The following ITIH3 variants were observed in gnomAD, a reference collection of about 807,000 sequenced individuals.
ITIH3 encodes the protein inter-alpha-trypsin inhibitor heavy chain H3.
In ITIH3, 81 loss-of-function variants were observed where a neutral mutation model predicts 96.5. The ratio of observed to expected loss-of-function variants is 0.84; its 90% confidence interval spans 0.70 to 1.01. ITIH3 has a LOEUF of 1.01. Ranked by LOEUF, ITIH3 falls within the 50% of genes least tolerant of loss-of-function variation. The probability of loss-of-function intolerance (pLI) is 0.00; values close to 1 mark genes in which losing one functional copy is unlikely to be tolerated. For missense variants in ITIH3, 1,057 were observed against 1,139.3 expected (o/e 0.93, Z 1.04); for synonymous variants, 422 against 445.2 (o/e 0.95, Z 0.66).
At chr3:52,799,539 G>T in intron 8 of ITIH3, 51 bp downstream of exon 8, 4 of 1,365,554 alleles carry the variant, frequency 2.9e-6, no homozygotes, top group Non-Finnish European at 4.0e-6. Flanking sequence ...GGGGGTGGAA[G>T]AGATTTTTTT....
intron 14 of ITIH3, 180 bp from the exon 15 acceptor site, chr3:52,804,546 G>T: frequency 1.6e-6 from 1 of 619,636 alleles, no homozygotes; most frequent in Non-Finnish European, 2.9e-6. Context: ...GCCTGGCCAG[G>T]CCAGGCCTCT....
At chr3:52,795,364 C>G (rs1464168015) in intron 1 of ITIH3, among the ~76,000 whole-genome samples, 1 of 152,208 alleles carries the variant, frequency 6.6e-6, no homozygotes, top group African/African-American at 2.4e-5. Flanking sequence ...TCCCCCTGCC[C>G]TGCTCTCCTG....
chr3:52,808,148 A>G lies in ITIH3; in HGVS notation c.2470A>G (p.Ile824Val). The G allele has an allele frequency of 1.2e-6, 2 of 1,614,196 alleles. No individual in the cohort carries two copies. The highest frequency in any genetic ancestry group is 1.7e-6 in the Non-Finnish European group (2 of 1,180,026). ...ACCCTTTGACTTTAAAGTGTCTGACATCCGGCCAGGCTCTGACCCCACAAA... is the reference window on the plus strand; with the variant it reads ...ACCCTTTGACTTTAAAGTGTCTGACGTCCGGCCAGGCTCTGACCCCACAAA... ...FQPFDFKVSD[I>V]RPGSDPTKPD... Residue 824 changes from isoleucine to valine, a missense_variant, in exon 21 of 22, where the codon ATC becomes GTC. Transcript: ENST00000449956.
chr3:52,805,866 T>C (rs763295048), intron 16 of ITIH3, 26 bp downstream of exon 16: 1 of 1,612,868 alleles, frequency 6.2e-7, no homozygotes, highest in African/African-American at 1.3e-5. Context: ...CAGCTGCCAC[T>C]CCTCCCACTG....
chr3:52,799,747 C>T lies in ITIH3; in HGVS notation c.907-6C>T, dbSNP rs1193039843. The T allele has an allele frequency of 1.9e-6, 3 of 1,608,348 alleles. No individual in the cohort carries two copies. Among genetic ancestry groups the T allele is most frequent in the African/African-American group, 2.7e-5 (2 of 74,822 alleles). ...GGCTTCTCCCAGCTCTTTGTCTCTCCTCCAGACAAAGGAGGCCCTTCTCAG... is the reference window on the plus strand; with the variant it reads ...GGCTTCTCCCAGCTCTTTGTCTCTCTTCCAGACAAAGGAGGCCCTTCTCAG... On this transcript the variant is annotated splice_polypyrimidine_tract_variant and splice_region_variant and intron_variant, in intron 8 of 21. Coordinates refer to ENST00000449956, the MANE Select transcript of ITIH3 (RefSeq NM_002217.4).
Position 52,802,674 on chromosome 3 carries a change from A to G in ITIH3, c.1577A>G (p.Asn526Ser). The G allele has an allele frequency of 6.2e-7, 1 of 1,613,876 alleles. No homozygotes were observed. The change falls in exon 13 of 22, where the codon AAC (asparagine) becomes AGC (serine). Residue 526 changes from asparagine to serine, a missense_variant. Transcript: ENST00000449956. ...KADVKGHGAT[N>S]DLTFTEEVDM... is the part of the protein sequence containing the mutation. ...CTTCTACCCCCACCCTAGGCCACCA[A>G]CGACCTGACCTTCACAGAGGAGGTG... is the stretch of plus-strand genomic sequence containing the variant.
Position 52,807,870 on chromosome 3 carries a change from C to T in ITIH3, c.2385C>T (p.Tyr795=), listed in dbSNP as rs746050219. 7.4e-6 allele frequency: 12 copies of T among 1,612,364 alleles called. No individual in the cohort carries two copies. The highest frequency in any genetic ancestry group is 2.7e-5 in the African/African-American group (2 of 74,900). The change falls in exon 20 of 22, where the codon TAC becomes TAT. Residue 795 remains tyrosine (Y), a synonymous_variant. Coordinates refer to ENST00000449956, the MANE Select transcript of ITIH3 (RefSeq NM_002217.4). The part of the protein sequence containing the change: ...HPVHRDFLGF[Y]VVDSHRMSAQ... ...TCCACCGTGACTTTCTAGGCTTCTA[C>T]GTGGTGGACAGTCACCGGATGTCAG...
rs761713610 is a variant in ITIH3 at position 52,803,994 on chromosome 3, G to A, written c.1849G>A (p.Asp617Asn). Residue 617 changes from aspartate (D) to asparagine (N), a missense_variant, in exon 14 of 22, where the codon GAC becomes AAC. Coordinates refer to ENST00000449956, the MANE Select transcript of ITIH3 (RefSeq NM_002217.4). ...CAACGAGGATGAGAGGGCCATTGCC[G>A]ACAAGCCTGGGGAAGGTGGGGATAG... is the stretch of plus-strand genomic sequence containing the variant. ...EDNEDERAIA[D>N]KPGEDAEATP... 11 of 1,613,048 alleles carry A rather than the reference G, an allele frequency of 6.8e-6. No individual in the cohort carries two copies. The highest frequency in any genetic ancestry group is 2.2e-5 in the East Asian group (1 of 44,844).
chr3:52,795,982 T>A (rs1699565852), intron 2 of ITIH3: 1 of 286,398 alleles, frequency 3.5e-6, no homozygotes. Flanking sequence ...CCCTAGAGCC[T>A]CTCAAAATTC....
intron 7 of ITIH3, 138 bp from the exon 8 acceptor site, chr3:52,799,234 C>G (rs1699714054): frequency 3.3e-6 from 4 of 1,223,116 alleles, no homozygotes; most frequent in East Asian, 5.0e-5. Context: ...GGCCTAGAGC[C>G]TGGTGCAGCA....
intron 19 of ITIH3, among the ~76,000 whole-genome samples, chr3:52,807,413 G>A (rs1013586246): frequency 6.6e-6 from 1 of 152,216 alleles, no homozygotes; most frequent in African/African-American, 2.4e-5. Flanking sequence ...CCTGTCTTCA[G>A]ATCCCCCAGA....
Position 52,808,662 on chromosome 3 carries a change from T to C in ITIH3, c.2654T>C (p.Ile885Thr), listed in dbSNP as rs1470165351. 1 of 1,611,996 alleles carries C rather than the reference T, an allele frequency of 6.2e-7. No homozygotes were observed. The highest frequency in any genetic ancestry group is 8.5e-7 in the Non-Finnish European group (1 of 1,178,306). The change falls in exon 22 of 22, where the codon ATT (isoleucine) becomes ACT (threonine). Residue 885 changes from isoleucine (I) to threonine (T), a missense_variant. By Grantham distance (89) the Ile-to-Thr change is moderately conservative (BLOSUM62 -1). Coordinates refer to ENST00000449956, the MANE Select transcript of ITIH3 (RefSeq NM_002217.4). ...ATTGATGGTGTCCACACTGACTACA[T>C]TGTCCCCAACCTGTTTTGAGTAGAC... is the stretch of plus-strand genomic sequence containing the variant. ...GLIDGVHTDY[I>T]VPNLF
chr3:52,796,414 T>A lies in ITIH3; in HGVS notation c.115-67T>A, dbSNP rs552846121. 3.8e-5 allele frequency: 55 copies of A among 1,436,664 alleles called. No individual in the cohort carries two copies. In the Admixed American group the frequency reaches 5.6e-4, roughly 15 times the overall value. 89.0% of individuals were successfully genotyped at this position (1,436,664 alleles called of 1,614,324 possible). On this transcript the variant is annotated intron_variant, in intron 2 of 21. Coordinates refer to ENST00000449956, the MANE Select transcript of ITIH3 (RefSeq NM_002217.4). ...AGCCTCCAAGGGTTTGCAAGGGAGGTGGCTGGGTTGCAAACCTGCTTCTCC... is the reference window on the plus strand; with the variant it reads ...AGCCTCCAAGGGTTTGCAAGGGAGGAGGCTGGGTTGCAAACCTGCTTCTCC...
In ITIH3 at chr3:52,794,836, G is replaced by T; in HGVS notation, c.33G>T (p.Leu11Phe). Reference protein sequence around the residue: MAFAWWPCLILALLSSLAASG... With the variant: MAFAWWPCLIFALLSSLAASG... ...TTGCATGGTGGCCCTGTCTCATCTT[G>T]GCTCTGCTCTCCAGCTTGGCAGCCT... The change falls in exon 1 of 22, where the codon TTG (leucine) becomes TTT (phenylalanine). Residue 11 changes from leucine (L) to phenylalanine (F), a missense_variant. Transcript: ENST00000449956. 1 of 1,614,006 alleles carries T rather than the reference G, an allele frequency of 6.2e-7. No homozygotes were observed. The highest frequency in any genetic ancestry group is 8.5e-7 in the Non-Finnish European group (1 of 1,179,884).
intron 13 of ITIH3, 100 bp downstream of exon 13, chr3:52,802,906 GC>G: frequency 7.2e-7 from 1 of 1,389,910 alleles, no homozygotes; most frequent in Non-Finnish European, 9.8e-7. Flanking sequence ...CTCTTCTTGG[GC>G]CAGCCCAGGA....
intron 18 of ITIH3, among the ~76,000 whole-genome samples, chr3:52,806,637 G>T (rs576641286): frequency 6.6e-6 from 1 of 152,332 alleles, no homozygotes; most frequent in African/African-American, 2.4e-5. Context: ...CCTAGGGTAG[G>T]ACCCAGCCTG....
chr3:52,799,678 C>T, intron 8 of ITIH3, 75 bp from the exon 9 acceptor site: 1 of 1,452,036 alleles, frequency 6.9e-7, no homozygotes, highest in Non-Finnish European at 9.3e-7. Context: ...ATGGCGTGGG[C>T]TGCACCGCCT....
chr3:52,795,657 G>C, intron 2 of ITIH3, 34 bp downstream of exon 2: 1 of 1,605,564 alleles, frequency 6.2e-7, no homozygotes, highest in Non-Finnish European at 8.5e-7. Flanking sequence ...GGACCGAGTG[G>C]GGCAGGGCAG....
chr3:52,797,421 C>T (rs890467253), intron 5 of ITIH3, among the ~76,000 whole-genome samples, 154 bp downstream of exon 5: 24 of 152,174 alleles, frequency 1.6e-4, no homozygotes, highest in African/African-American at 5.8e-4. Flanking sequence ...ATGGTTCTGG[C>T]CAAAAGCATC....
Sources: gnomAD v4.1 joint callset for allele counts (sites outside exome capture counted in the v4.1 genomes callset) on GRCh38, gnomAD v4.1.1 for gene constraint, MANE v1.5 for transcripts, NCBI Gene and HGNC (gene_info 2026-07-23, HGNC 2026-07-21) for gene names.